POLRMT: variants seen among roughly 807,000 people sequenced by gnomAD.
POLRMT encodes DNA-directed RNA polymerase, mitochondrial.
POLRMT carries 114 observed loss-of-function variants against 132.2 expected under a neutral mutation model. The observed-to-expected ratio is 0.86, with a 90% CI of 0.74 to 1.01. POLRMT has a LOEUF of 1.01. Ranked by LOEUF, POLRMT falls within the 50% of genes least tolerant of loss-of-function variation. The pLI, the probability that POLRMT is intolerant of heterozygous loss-of-function variation, is 0.00. For missense variants in POLRMT, 2,003 were observed against 1,729.1 expected, an observed-to-expected ratio of 1.16 and a Z score of -2.81; for synonymous variants, 1,020 against 773.4, an observed-to-expected ratio of 1.32 and a Z score of -5.29.
Position 622,877 on chromosome 19 carries a change from G to A in POLRMT, c.1399C>T (p.Leu467Phe). The A allele has an allele frequency of 2.5e-6, 4 of 1,609,964 alleles. No individual in the cohort carries two copies. Among genetic ancestry groups the A allele is most frequent in the Non-Finnish European group, 3.4e-6 (4 of 1,178,806 alleles). ...EREVYEGRFS[L>F]YPFLCLLDER... ...TCCAGCAGGCACAGGAAGGGGTAAA[G>A]TGAGAACCGGCCCTCGTACACCTCG... is the stretch of plus-strand genomic sequence containing the variant. Residue 467 changes from leucine (L) to phenylalanine (F), a missense_variant, in exon 7 of 21, where the codon CTT becomes TTT. Physicochemically the swap from Leu to Phe is conservative, Grantham distance 22 (BLOSUM62 0). Transcript: ENST00000588649.
At position 623,504 on chromosome 19, in the gene POLRMT, C is replaced by T. The variant is rs1005420672; in HGVS notation, c.1240G>A (p.Val414Met). The change falls in exon 6 of 21, where the codon GTG (valine) becomes ATG (methionine). Residue 414 changes from valine (V) to methionine (M), a missense_variant. By Grantham distance (21) the Val-to-Met change is conservative. Transcript: ENST00000588649. ...AACGTGGGCTTCTCCACGGACACCA[C>T]GCACACCCTGCTGGCCAGCTCCATG... The part of the protein sequence containing the change: ...LHMELASRVC[V>M]VSVEKPTLPS... 6.2e-7 allele frequency: 1 copy of T among 1,613,282 alleles called. No individual in the cohort carries two copies. Among genetic ancestry groups the T allele is most frequent in the Non-Finnish European group, 8.5e-7 (1 of 1,180,006 alleles).
intron 3 of POLRMT, among the ~76,000 whole-genome samples, chr19:626,557 C>A (rs1382502912): frequency 7.0e-6 from 1 of 142,508 alleles, no homozygotes; most frequent in Non-Finnish European, 1.5e-5. Context: ...GAGGCCAAGA[C>A]AGGAGGATCA....
chr19:618,324 C>T (rs55744285), intron 17 of POLRMT, 164 bp downstream of exon 17: 3 of 609,408 alleles, frequency 4.9e-6, no homozygotes, highest in Non-Finnish European at 8.5e-6. Flanking sequence ...CACCTACATT[C>T]GGGGCACACA....
In POLRMT at chr19:621,661, C is replaced by G; in HGVS notation, c.2037G>C (p.Gln679His). 5.8e-6 allele frequency: 9 copies of G among 1,542,898 alleles called. No homozygotes were observed. The highest frequency in any genetic ancestry group is 7.8e-6 in the Non-Finnish European group (9 of 1,147,378). The change falls in exon 10 of 21, where the codon CAG becomes CAC. Residue 679 changes from glutamine to histidine, a missense_variant. Transcript: ENST00000588649. ...KLMRTVEGATQHQELLETCPP... is the reference protein window; with the variant it reads ...KLMRTVEGATHHQELLETCPP... The stretch of plus-strand genomic sequence containing the variant: ...GGCAGGTTTCCAGCAGCTCCTGGTG[C>G]TGCGTGGCGCCTTCCACCGTGCGCA...
intron 5 of POLRMT, 82 bp from the exon 6 acceptor site, chr19:623,685 C>T (rs374600586): frequency 1.5e-5 from 22 of 1,484,360 alleles, no homozygotes; most frequent in Admixed American, 4.0e-5. Context: ...CATGGGTGCA[C>T]GCGTTTCTGC....
chr19:632,225 G>A (rs1159960551), intron 2 of POLRMT, among the ~76,000 whole-genome samples: 6 of 151,000 alleles, frequency 4.0e-5, no homozygotes, highest in South Asian at 2.1e-4. Context: ...GTGAGCCACC[G>A]CACCTGGCCA....
At chr19:618,893 G>C in intron 15 of POLRMT, 104 bp downstream of exon 15, 2 of 1,356,230 alleles carry the variant, frequency 1.5e-6, no homozygotes, top group Admixed American at 2.0e-5. Context: ...GGCACACTGG[G>C]GCGGTGGTAC....
Position 625,186 on chromosome 19 carries a change from C to A in POLRMT, c.891G>T (p.Leu297=). 1 of 1,614,042 alleles carries A rather than the reference C, an allele frequency of 6.2e-7. No homozygotes were observed. Among genetic ancestry groups the A allele is most frequent in the Non-Finnish European group, 8.5e-7 (1 of 1,179,988 alleles). ...VKDAGLTPDL[L]SYAAALQCMG... is the part of the protein sequence containing the mutation. Reference sequence around the variant, plus strand: ...TGCACTGGAGGGCAGCCGCATAGGACAGCAGGTCCGGAGTCAAGCCGGCAT... The same window carrying A: ...TGCACTGGAGGGCAGCCGCATAGGAAAGCAGGTCCGGAGTCAAGCCGGCAT... Residue 297 remains leucine, a synonymous_variant, in exon 4 of 21, where the codon CTG becomes CTT. Transcript: ENST00000588649.
Position 622,576 on chromosome 19 carries a change from CCT to C in POLRMT, c.1626+4_1626+5del. 1 of 1,595,350 alleles carries C rather than the reference CCT, an allele frequency of 6.3e-7. No individual in the cohort carries two copies. The highest frequency in any genetic ancestry group is 2.3e-5 in the East Asian group (1 of 44,422). ...CAGCCAGGAGGAGAGGGGGTGCGAGCCTCACCTCGGCGTCGGAGGCCAGCAAG... is the reference window on the plus strand; with the variant it reads ...CAGCCAGGAGGAGAGGGGGTGCGAGCCACCTCGGCGTCGGAGGCCAGCAAG... On this transcript the variant is annotated splice_donor_5th_base_variant and intron_variant, in intron 8 of 20. Coordinates refer to ENST00000588649, the MANE Select transcript of POLRMT (RefSeq NM_005035.4).
At position 617,464 on chromosome 19, in the gene POLRMT, C is replaced by T. The variant is rs753852288; in HGVS notation, c.3598G>A (p.Glu1200Lys). ...AGTGTCTCCTTCAGCTGGCTGGCCT[C>T]CAAGATCTTCTGGGGCCTGGGGTTG... is the stretch of plus-strand genomic sequence containing the variant. Reference protein sequence around the residue: ...RFCSEPQKILEASQLKETLQA... With the variant: ...RFCSEPQKILKASQLKETLQA... The change falls in exon 20 of 21, where the codon GAG becomes AAG. Residue 1200 changes from glutamate (E) to lysine (K), a missense_variant. Transcript: ENST00000588649. 3 of 1,611,774 alleles carry T rather than the reference C, an allele frequency of 1.9e-6. No individual in the cohort carries two copies. In the East Asian group the frequency reaches 6.7e-5, roughly 36 times the overall value.
rs750395317 is a variant in POLRMT at position 629,566 on chromosome 19, C to T, written c.796G>A (p.Ala266Thr). Reference protein sequence around the residue: ...RKLLTLDMYNAVMLGWARQGA... With the variant: ...RKLLTLDMYNTVMLGWARQGA... ...TGCCGCGCCCAGCCAAGCATCACGG[C>T]GTTGTACATGTCCAGCGTGAGCAGC... The change falls in exon 3 of 21, where the codon GCC becomes ACC. Residue 266 changes from alanine (A) to threonine (T), a missense_variant. Physicochemically the swap from Ala to Thr is moderately conservative, Grantham distance 58. Coordinates refer to ENST00000588649, the MANE Select transcript of POLRMT (RefSeq NM_005035.4). 1.3e-5 allele frequency: 20 copies of T among 1,564,720 alleles called. No homozygotes were observed. In the East Asian group the frequency reaches 2.0e-4, roughly 16 times the overall value.
chr19:624,522 T>C (rs1177688559), intron 5 of POLRMT, among the ~76,000 whole-genome samples, 197 bp downstream of exon 5: 1 of 152,034 alleles, frequency 6.6e-6, no homozygotes, highest in African/African-American at 2.4e-5. Flanking sequence ...CTCGTCCCCC[T>C]GAGCCCACAC....
rs748480149 is a variant in POLRMT, at chr19:624,781, G to C, written c.1078C>G (p.Leu360Val). The C allele has an allele frequency of 3.3e-5, 53 of 1,613,468 alleles. No homozygotes were observed. Among genetic ancestry groups the C allele is most frequent in the Non-Finnish European group, 2.3e-5 (27 of 1,180,016 alleles). ...AVHKVKPTFSLPPQLPPPVNT... is the reference protein window; with the variant it reads ...AVHKVKPTFSVPPQLPPPVNT... ...ACCGGGGGCGGCAGCTGCGGCGGGAGGCTGAAGGTGGGCTTCACCTTGTGC... is the reference window on the plus strand; with the variant it reads ...ACCGGGGGCGGCAGCTGCGGCGGGACGCTGAAGGTGGGCTTCACCTTGTGC... Residue 360 changes from leucine to valine, a missense_variant, in exon 5 of 21, where the codon CTC becomes GTC. Leu to Val is a conservative substitution (Grantham distance 32). Transcript: ENST00000588649.
chr19:621,908 T>C, intron 9 of POLRMT, 62 bp from the exon 10 acceptor site: 2 of 1,556,968 alleles, frequency 1.3e-6, no homozygotes, highest in South Asian at 2.3e-5. Context: ...TTCCCACCCC[T>C]TAAACTTGGG....
At position 617,637 on chromosome 19, in the gene POLRMT, C is replaced by A. The variant is rs992553565; in HGVS notation, c.3514G>T (p.Val1172Phe). The A allele has an allele frequency of 1.9e-6, 3 of 1,612,402 alleles. No individual in the cohort carries two copies. Among genetic ancestry groups the A allele is most frequent in the Non-Finnish European group, 2.5e-6 (3 of 1,179,982 alleles). Reference sequence around the variant, plus strand: ...AGGATGGGCTCGCTGTGCAAGCGGACAAACTGCTCCCGGCACACCTGGGCA... The same window carrying A: ...AGGATGGGCTCGCTGTGCAAGCGGAAAAACTGCTCCCGGCACACCTGGGCA... ...VMNQVCREQF[V>F]RLHSEPILQD... The change falls in exon 19 of 21, where the codon GTC (valine) becomes TTC (phenylalanine). Residue 1172 changes from valine (V) to phenylalanine (F), a missense_variant. Val to Phe is a conservative substitution (Grantham distance 50). Coordinates refer to ENST00000588649, the MANE Select transcript of POLRMT (RefSeq NM_005035.4).
At chr19:623,731 G>T (rs1341304770) in intron 5 of POLRMT, 128 bp from the exon 6 acceptor site, 68 of 1,134,256 alleles carry the variant, frequency 6.0e-5, no homozygotes, top group Non-Finnish European at 8.0e-5. Flanking sequence ...TCGCTGACGC[G>T]GGGAAAGGCG....
Position 624,876 on chromosome 19 carries a change from AG to A in POLRMT, c.982del (p.Leu328Ter), listed in dbSNP as rs1568172151. 1.9e-6 allele frequency: 3 copies of A among 1,612,716 alleles called. No homozygotes were observed. The highest frequency in any genetic ancestry group is 2.5e-6 in the Non-Finnish European group (3 of 1,179,700). On this transcript the variant is annotated frameshift_variant, in exon 5 of 21. Coordinates refer to ENST00000588649, the MANE Select transcript of POLRMT (RefSeq NM_005035.4). LOFTEE classifies it high-confidence loss of function. ...GGCGGTGAAGAGTGCCTGCAGCTTCAGCCCCTCCTGGCTCATCTGTTCCAGA... is the reference window on the plus strand; with the variant it reads ...GGCGGTGAAGAGTGCCTGCAGCTTCACCCCTCCTGGCTCATCTGTTCCAGA... ...RCLEQMSQEG[L>X]KLQALFTAVL...
Position 621,260 on chromosome 19 carries a change from A to G in POLRMT, c.2438T>C (p.Phe813Ser). ...CGCCACGTCGCTGCCCAGGTGGTTG[A>G]AGTGCGGCGGGCAGGGGTAGGTGCG... Reference protein sequence around the residue: ...RGRTYPCPPHFNHLGSDVARA... With the variant: ...RGRTYPCPPHSNHLGSDVARA... Residue 813 changes from phenylalanine (F) to serine (S), a missense_variant, in exon 10 of 21, where the codon TTC becomes TCC. Coordinates refer to ENST00000588649, the MANE Select transcript of POLRMT (RefSeq NM_005035.4). The G allele has an allele frequency of 6.2e-7, 1 of 1,608,232 alleles. No individual in the cohort carries two copies. Among genetic ancestry groups the G allele is most frequent in the South Asian group, 1.1e-5 (1 of 90,882 alleles).
In POLRMT at chr19:630,012, A is replaced by G; in HGVS notation, c.350T>C (p.Val117Ala). Residue 117 changes from valine to alanine, a missense_variant, in exon 3 of 21, where the codon GTG becomes GCG. Transcript: ENST00000588649. The part of the protein sequence containing the change: ...VQMGAKDATP[V>A]PCGRWAKILE... ...TATCTTTGCCCAGCGGCCACAGGGC[A>G]CCGGGGTGGCATCCTTGGCCCCCAT... 3 of 1,613,786 alleles carry G rather than the reference A, an allele frequency of 1.9e-6. No homozygotes were observed. The highest frequency in any genetic ancestry group is 2.5e-6 in the Non-Finnish European group (3 of 1,180,020).
Sources: gnomAD v4.1 joint callset for allele counts (sites outside exome capture counted in the v4.1 genomes callset) on GRCh38, gnomAD v4.1.1 for gene constraint, MANE v1.5 for transcripts, NCBI Gene and HGNC (gene_info 2026-07-23, HGNC 2026-07-21) for gene names.